The following SGPP2 variants were observed in gnomAD, a reference collection of about 807,000 sequenced individuals.
The protein encoded by SGPP2 is sphingosine 1-phosphate phosphohydrolase 2.
In SGPP2, 30 loss-of-function variants were observed where a neutral mutation model predicts 33.9. The ratio of observed to expected loss-of-function variants is 0.89; its 90% CI spans 0.66 to 1.20. The LOEUF (loss-of-function observed/expected upper bound fraction) is 1.20, where lower values mean the gene tolerates loss of function less well. Among genes scored for constraint, SGPP2 ranks in the 50% most tolerant of loss-of-function variants. SGPP2 has a pLI of 0.00. For synonymous variants in SGPP2, 233 were observed against 225.0 expected (o/e 1.04, Z -0.32); for missense variants, 458 against 532.1 (o/e 0.86, Z 1.37).
intron 4 of SGPP2, among the ~76,000 whole-genome samples, chr2:222,540,998 T>C (rs1698987982): frequency 6.6e-6 from 1 of 152,032 alleles, no homozygotes; most frequent in South Asian, 2.1e-4. Flanking sequence ...TTTGTATTTT[T>C]AGTAGAGACG....
At chr2:222,535,176 AG>A (rs1698894958) in intron 4 of SGPP2, among the ~76,000 whole-genome samples, 1 of 151,852 alleles carries the variant, frequency 6.6e-6, no homozygotes, top group African/African-American at 2.4e-5. Flanking sequence ...CAGGAGTTCA[AG>A]ACTCAGCCTG....
At chr2:222,424,036 T>TG (rs1319823497), upstream of SGPP2, among the ~76,000 whole-genome samples, 4 of 152,050 alleles carry the variant, frequency 2.6e-5, no homozygotes, top group African/African-American at 7.2e-5. Flanking sequence ...GAATTCTCCC[T>TG]GGGGGGCTCG....
intron 4 of SGPP2, among the ~76,000 whole-genome samples, chr2:222,544,624 C>A (rs1264109152): frequency 6.6e-6 from 1 of 152,002 alleles, no homozygotes; most frequent in Admixed American, 6.6e-5. Context: ...GGAATCATGA[C>A]AAGAAAAAAA....
intron 1 of SGPP2, among the ~76,000 whole-genome samples, chr2:222,425,387 A>T (rs1272242710): frequency 6.6e-6 from 1 of 151,932 alleles, no homozygotes; most frequent in Admixed American, 6.6e-5. Context: ...CTTAACAGCA[A>T]CTCTCGCTTG....
At chr2:222,466,463 T>A (rs1284614054) in intron 1 of SGPP2, among the ~76,000 whole-genome samples, 1 of 152,130 alleles carries the variant, frequency 6.6e-6, no homozygotes. Context: ...TTTCACCATG[T>A]TAGCCAGGAT....
At position 222,424,551 on chromosome 2, in the gene SGPP2, A is replaced by C. The variant is rs1316161880; in HGVS notation, c.-52A>C. ...GAGGCGGGAGTGGCGGTGCCAGCGGAGGGCACCGGCCCGGCGTGGCAGCGG... is the reference window on the plus strand; with the variant it reads ...GAGGCGGGAGTGGCGGTGCCAGCGGCGGGCACCGGCCCGGCGTGGCAGCGG... On this transcript the variant is annotated 5_prime_UTR_variant, in exon 1 of 5. Coordinates refer to ENST00000321276, the MANE Select transcript of SGPP2 (RefSeq NM_152386.4). 6 of 1,136,110 alleles carry C rather than the reference A, an allele frequency of 5.3e-6. No individual in the cohort carries two copies. The highest frequency in any genetic ancestry group is 6.6e-6 in the Non-Finnish European group (6 of 907,214). 70.4% of individuals were successfully genotyped at this position (1,136,110 alleles called of 1,614,324 possible). A position where few individuals can be genotyped will look rare whatever the true frequency, so the allele number is the denominator to read the frequency against.
In SGPP2 at chr2:222,453,635, C is replaced by A. The variant is rs192938103; in HGVS notation, c.220-20933C>A. Among the ~76,000 whole-genome samples, 203 of 152,038 alleles carry A rather than the reference C, an allele frequency of 1.3e-3. 2 individuals are homozygous for A. The highest frequency in any genetic ancestry group is 3.4e-3 in the Admixed American group (52 of 15,268). ...CTTAATCAATATTAAATATATTTTC[C>A]TTATGATTTGCTTAATAACATTTTC... On this transcript the variant is annotated intron_variant, in intron 1 of 4. Coordinates refer to ENST00000321276, the MANE Select transcript of SGPP2 (RefSeq NM_152386.4).
At chr2:222,557,537 C>T (rs879630140) in intron 4 of SGPP2, among the ~76,000 whole-genome samples, 1 of 152,108 alleles carries the variant, frequency 6.6e-6, no homozygotes, top group Admixed American at 6.5e-5. Context: ...TATATGGAAA[C>T]ATGCAAACTT....
intron 1 of SGPP2, among the ~76,000 whole-genome samples, chr2:222,436,422 A>G (rs576866288): frequency 4.6e-5 from 7 of 152,294 alleles, no homozygotes; most frequent in African/African-American, 1.7e-4. Flanking sequence ...ACACTGATTC[A>G]GAGCATACAA....
chr2:222,433,337 C>T (rs1349939776), intron 1 of SGPP2, among the ~76,000 whole-genome samples: 1 of 152,102 alleles, frequency 6.6e-6, no homozygotes, highest in Non-Finnish European at 1.5e-5. Context: ...TGGAGGGAGC[C>T]TGTGGGGATC....
chr2:222,439,356 C>T (rs1479557727), intron 1 of SGPP2, among the ~76,000 whole-genome samples: 7 of 151,960 alleles, frequency 4.6e-5, no homozygotes, highest in Admixed American at 3.3e-4. Flanking sequence ...ATTAAGAGGC[C>T]GTGATTTTCT....
intron 1 of SGPP2, among the ~76,000 whole-genome samples, chr2:222,472,814 A>G (rs113940799): frequency 8.1e-4 from 124 of 152,230 alleles, no homozygotes; most frequent in Admixed American, 3.9e-4. Context: ...CAGGAGTTGG[A>G]CATAAACCTG....
chr2:222,531,741 AT>A (rs1280570176), intron 4 of SGPP2, among the ~76,000 whole-genome samples: 2 of 152,000 alleles, frequency 1.3e-5, no homozygotes, highest in South Asian at 2.1e-4. Flanking sequence ...GAGCTTTGGT[AT>A]TTTTTTAAGC....
intron 1 of SGPP2, among the ~76,000 whole-genome samples, chr2:222,440,688 C>T (rs1697311703): frequency 6.6e-6 from 1 of 152,014 alleles, no homozygotes; most frequent in Non-Finnish European, 1.5e-5. Flanking sequence ...TGTTAAGCTA[C>T]TTTAAACTGG....
chr2:222,540,812 A>G, intron 4 of SGPP2, among the ~76,000 whole-genome samples: 1 of 147,762 alleles, frequency 6.8e-6, no homozygotes, highest in East Asian at 1.9e-4. Flanking sequence ...TTTAGCTTAT[A>G]AACTGTTTTT....
At chr2:222,456,742 A>G (rs999730668) in intron 1 of SGPP2, among the ~76,000 whole-genome samples, 14 of 152,234 alleles carry the variant, frequency 9.2e-5, no homozygotes, top group African/African-American at 3.4e-4. Context: ...TGACATCTGT[A>G]TGCTCATGGA....
chr2:222,521,863 GAATATGGAATGCC>G lies in SGPP2; in HGVS notation c.477_489del (p.Glu159AspfsTer32). On this transcript the variant is annotated frameshift_variant, in exon 3 of 5. Transcript: ENST00000321276. LOFTEE classifies it high-confidence loss of function. ...AAAACTGGAAAAGAGACTGATCGCT[GAATATGGAATGCC>G]ATCCACCCACGCCATGGCGGCCACT... 1 of 1,611,242 alleles carries G rather than the reference GAATATGGAATGCC, an allele frequency of 6.2e-7. No individual in the cohort carries two copies. Among genetic ancestry groups the G allele is most frequent in the Admixed American group, 1.7e-5 (1 of 59,568 alleles).
chr2:222,461,944 A>T (rs949567109), intron 1 of SGPP2, among the ~76,000 whole-genome samples: 3 of 152,158 alleles, frequency 2.0e-5, no homozygotes, highest in African/African-American at 7.2e-5. Flanking sequence ...CTTCCAAAGT[A>T]TAGAGAACTT....
intron 2 of SGPP2, among the ~76,000 whole-genome samples, chr2:222,483,467 A>C (rs1244346679): frequency 6.6e-6 from 1 of 152,204 alleles, no homozygotes. Context: ...TCACATTCTG[A>C]TTATCAGCAG....
Sources: allele counts gnomAD v4.1 joint callset (sites outside exome capture counted in the v4.1 genomes callset), GRCh38; gene constraint gnomAD v4.1.1; transcripts MANE v1.5; gene names NCBI Gene and HGNC (gene_info 2026-07-23, HGNC 2026-07-21).